DPP10: variants seen among roughly 807,000 people sequenced by gnomAD.
The protein encoded by DPP10 is dipeptidyl peptidase like 10.
In DPP10, 33 loss-of-function variants were observed where a neutral mutation model predicts 120.9. That is an observed-to-expected ratio of 0.27 (90% CI 0.21 to 0.37). The LOEUF (loss-of-function observed/expected upper bound fraction) is 0.37. DPP10 is among the 10% of genes least tolerant of loss of function. DPP10 has a pLI of 1.00. For missense variants in DPP10, 816 were observed against 942.8 expected (o/e 0.87, Z 1.76); for synonymous variants, 337 against 326.1 (o/e 1.03, Z -0.36).
intron 5 of DPP10, among the ~76,000 whole-genome samples, chr2:115,681,707 A>ACCTT (rs35974609): frequency 0.92 from 136,301 of 147,818 alleles, 63,625 homozygotes; most frequent in Non-Finnish European, 1. Flanking sequence ...CTGCCTTCCT[A>ACCTT]CCTTCCTTCC....
At chr2:114,938,109 T>C (rs757012735) in intron 1 of DPP10, among the ~76,000 whole-genome samples, 1 of 152,232 alleles carries the variant, frequency 6.6e-6, no homozygotes, top group Non-Finnish European at 1.5e-5. Context: ...CCATGAGCAC[T>C]GTAATCTATT....
chr2:115,781,044 TG>T, intron 16 of DPP10, 49 bp downstream of exon 16: 1 of 1,452,616 alleles, frequency 6.9e-7, no homozygotes, highest in Non-Finnish European at 9.3e-7. Flanking sequence ...TCATTGTATT[TG>T]GTCAATATCT....
chr2:114,657,906 C>T (rs904957729), intron 1 of DPP10, among the ~76,000 whole-genome samples: 6 of 152,144 alleles, frequency 3.9e-5, no homozygotes, highest in Admixed American at 3.9e-4. Flanking sequence ...GAATCAGGTT[C>T]AACTTCTTTC....
chr2:115,634,956 T>C (rs193237452), intron 5 of DPP10, among the ~76,000 whole-genome samples: 45 of 152,054 alleles, frequency 3.0e-4, no homozygotes, highest in African/African-American at 1.1e-3. Context: ...AGGGAAATGG[T>C]GTGGGTAAGG....
intron 1 of DPP10, among the ~76,000 whole-genome samples, chr2:115,077,585 T>C (rs1394549279): frequency 6.6e-6 from 1 of 152,230 alleles, no homozygotes; most frequent in Non-Finnish European, 1.5e-5. Flanking sequence ...TCAGGAAGAA[T>C]ATTCTCAAAT....
intron 3 of DPP10, among the ~76,000 whole-genome samples, chr2:115,357,502 G>A (rs2064471516): frequency 6.6e-6 from 1 of 152,200 alleles, no homozygotes. Flanking sequence ...CCACTCCTGT[G>A]GCTTTGCAGG....
At chr2:114,535,520 A>G (rs573548920) in intron 1 of DPP10, among the ~76,000 whole-genome samples, 90 of 152,204 alleles carry the variant, frequency 5.9e-4, no homozygotes, top group African/African-American at 2.1e-3. Flanking sequence ...CAAATTATAC[A>G]CTTTTTCTTC....
At chr2:115,176,020 C>G (rs1232771971) in intron 1 of DPP10, among the ~76,000 whole-genome samples, 4 of 152,156 alleles carry the variant, frequency 2.6e-5, no homozygotes, top group Non-Finnish European at 5.9e-5. Context: ...CTGTGGACCA[C>G]ACTCTGAGAA....
At chr2:114,722,383 A>AT (rs1701752312) in intron 1 of DPP10, among the ~76,000 whole-genome samples, 2 of 152,120 alleles carry the variant, frequency 1.3e-5, no homozygotes. Flanking sequence ...AGAGATGGAA[A>AT]ATATCATTCT....
intron 1 of DPP10, among the ~76,000 whole-genome samples, chr2:114,532,036 G>C (rs574705939): frequency 6.6e-6 from 1 of 151,800 alleles, no homozygotes; most frequent in East Asian, 1.9e-4. Flanking sequence ...CTTTCCGTTT[G>C]AAACATCCAT....
At chr2:114,881,590 G>GTCTATCTATCTA (rs1271235497) in intron 1 of DPP10, among the ~76,000 whole-genome samples, 1 of 129,624 alleles carries the variant, frequency 7.7e-6, no homozygotes, top group African/African-American at 2.7e-5. Context: ...CTGTCTGTCT[G>GTCTATCTATCTA]TCTGTCTGTC....
At chr2:115,073,764 G>T (rs1707562514) in intron 1 of DPP10, among the ~76,000 whole-genome samples, 1 of 152,200 alleles carries the variant, frequency 6.6e-6, no homozygotes, top group East Asian at 1.9e-4. Context: ...ATACTCAACA[G>T]TTCCAAGGCT....
chr2:114,842,672 A>G (rs1311156438), intron 1 of DPP10, among the ~76,000 whole-genome samples: 1 of 152,186 alleles, frequency 6.6e-6, no homozygotes, highest in African/African-American at 2.4e-5. Context: ...TACATAGTTG[A>G]GAAGAAGCAC....
chr2:115,100,572 ATGTG>A (rs1194138078), intron 1 of DPP10, among the ~76,000 whole-genome samples: 1 of 150,948 alleles, frequency 6.6e-6, no homozygotes, highest in Admixed American at 6.6e-5. Context: ...GTGTGTGTGT[ATGTG>A]TGTGTGTGTG....
At chr2:115,147,850 G>A (rs2051316790) in intron 1 of DPP10, among the ~76,000 whole-genome samples, 1 of 152,066 alleles carries the variant, frequency 6.6e-6, no homozygotes. Context: ...TATTTGGAGT[G>A]GATGTCCTCA....
At chr2:115,669,970 A>T (rs2149437772) in intron 5 of DPP10, among the ~76,000 whole-genome samples, 1 of 152,260 alleles carries the variant, frequency 6.6e-6, no homozygotes, top group Middle Eastern at 3.4e-3. Context: ...ATTACCACAG[A>T]TGGGTAGCTT....
At chr2:115,408,874 T>A (rs761618096) in intron 3 of DPP10, among the ~76,000 whole-genome samples, 44 of 152,080 alleles carry the variant, frequency 2.9e-4, no homozygotes, top group Non-Finnish European at 5.0e-4. Flanking sequence ...AAATTTAATG[T>A]TAAGAATGTA....
intron 3 of DPP10, among the ~76,000 whole-genome samples, chr2:115,367,506 T>C (rs781697228): frequency 2.0e-5 from 3 of 152,024 alleles, no homozygotes; most frequent in Non-Finnish European, 4.4e-5. Context: ...AATTTTAATA[T>C]TAACTATCAT....
chr2:114,688,275 C>A lies in DPP10; in HGVS notation c.60+245437C>A, dbSNP rs911508031. ...ACTCATAACAAACCTGCACTTGTAT[C>A]TCCTGAATCTAAAATATAAAAAACA... On this transcript the variant is annotated intron_variant, in intron 1 of 25. Transcript: ENST00000410059. Among the ~76,000 whole-genome samples, 3 of 151,966 alleles carry A rather than the reference C, an allele frequency of 2.0e-5. 1 individual carries two copies. In the East Asian group the frequency reaches 5.8e-4, roughly 30 times the overall value.
Sources: gnomAD v4.1 joint callset for allele counts (sites outside exome capture counted in the v4.1 genomes callset) on GRCh38, gnomAD v4.1.1 for gene constraint, MANE v1.5 for transcripts, NCBI Gene and HGNC (gene_info 2026-07-23, HGNC 2026-07-21) for gene names.